CBFA2T2: variants seen among roughly 807,000 people sequenced by gnomAD.
The protein encoded by CBFA2T2 is protein CBFA2T2.
CBFA2T2 carries 11 observed loss-of-function variants against 62.2 expected under a neutral mutation model. That is an observed-to-expected ratio of 0.18 (90% confidence interval 0.11 to 0.29). The LOEUF (loss-of-function observed/expected upper bound fraction) is 0.29, where lower values mean the gene tolerates loss of function less well. Among genes scored for constraint, CBFA2T2 ranks in the 10% least tolerant of loss-of-function variants. The pLI, the probability that CBFA2T2 is intolerant of heterozygous loss-of-function variation, is 1.00. For synonymous variants in CBFA2T2, 295 were observed against 287.5 expected (o/e 1.03, Z -0.27); for missense variants, 592 against 774.1 (o/e 0.76, Z 2.79).
chr20:33,523,247 T>G (rs1044979930), intron 1 of CBFA2T2, among the ~76,000 whole-genome samples: 1 of 152,124 alleles, frequency 6.6e-6, no homozygotes, highest in African/African-American at 2.4e-5. Flanking sequence ...TTGAGACATA[T>G]TGGGATAAAT....
intron 1 of CBFA2T2, among the ~76,000 whole-genome samples, chr20:33,503,876 GA>G (rs1297851874): frequency 6.6e-6 from 1 of 151,102 alleles, no homozygotes; most frequent in Non-Finnish European, 1.5e-5. Flanking sequence ...AGTGGGTAGA[GA>G]AAAAAACTTG....
chr20:33,510,570 A>G (rs962092653), intron 1 of CBFA2T2, among the ~76,000 whole-genome samples: 1 of 152,134 alleles, frequency 6.6e-6, no homozygotes, highest in Admixed American at 6.6e-5. Context: ...AGTCTTTGCT[A>G]TTGTGAATAG....
chr20:33,564,977 C>T (rs539535494), intron 1 of CBFA2T2, among the ~76,000 whole-genome samples: 14 of 151,938 alleles, frequency 9.2e-5, no homozygotes, highest in Non-Finnish European at 1.5e-4. Context: ...TGGAGTGCAG[C>T]GGCGCGATCT....
rs562875426 is a variant in CBFA2T2 at position 33,542,767 on chromosome 20, G to C, written c.34+52466G>C. ...ACTCATTGCAACCTCCTCCTCCCAG[G>C]CTCAAGTGGTCCTCCCACCTCAACC... On this transcript the variant is annotated intron_variant, in intron 1 of 10. Coordinates refer to ENST00000342704, the MANE Select transcript of CBFA2T2 (RefSeq NM_001032999.3). Among the ~76,000 whole-genome samples the C allele has an allele frequency of 1.4e-3, 219 of 151,972 alleles. 1 individual carries two copies. Among genetic ancestry groups the C allele is most frequent in the African/African-American group, 4.9e-3 (202 of 41,416 alleles).
intron 1 of CBFA2T2, among the ~76,000 whole-genome samples, chr20:33,509,396 C>T (rs944656212): frequency 6.6e-6 from 1 of 151,928 alleles, no homozygotes; most frequent in East Asian, 1.9e-4. Context: ...GAACACGACA[C>T]ACTGATTCAG....
At chr20:33,509,222 C>T (rs1600909795) in intron 1 of CBFA2T2, among the ~76,000 whole-genome samples, 1 of 151,746 alleles carries the variant, frequency 6.6e-6, no homozygotes, top group Non-Finnish European at 1.5e-5. Context: ...CAAAAATTAT[C>T]TGGGTGTGGT....
At chr20:33,641,569 T>A (rs1210186950) in intron 10 of CBFA2T2, among the ~76,000 whole-genome samples, 2 of 152,156 alleles carry the variant, frequency 1.3e-5, no homozygotes, top group African/African-American at 4.8e-5. Flanking sequence ...ATCTACTGGA[T>A]GGGAGACCGG....
chr20:33,490,205 G>A lies in CBFA2T2; in HGVS notation c.-63G>A. The A allele has an allele frequency of 1.2e-5, 14 of 1,212,026 alleles. No homozygotes were observed. The highest frequency in any genetic ancestry group is 1.4e-5 in the Non-Finnish European group (14 of 975,236). The allele number at this position is 1,212,026 out of a possible 1,614,324, so 75.1% of individuals were successfully genotyped here. Reference sequence around the variant, plus strand: ...ACCCGGGCCGCGGGTCGAGGCGGGCGGCGCCTGCGAGGGACCCGTGTCGCG... The same window carrying A: ...ACCCGGGCCGCGGGTCGAGGCGGGCAGCGCCTGCGAGGGACCCGTGTCGCG... On this transcript the variant is annotated 5_prime_UTR_variant, in exon 1 of 11. Coordinates refer to ENST00000342704, the MANE Select transcript of CBFA2T2 (RefSeq NM_001032999.3).
chr20:33,564,265 CT>C (rs546526858), intron 1 of CBFA2T2, among the ~76,000 whole-genome samples: 188 of 120,328 alleles, frequency 1.6e-3, no homozygotes, highest in Admixed American at 4.9e-3. Context: ...CTTTTTCTTT[CT>C]TTTTTTTTTT....
chr20:33,504,466 T>C (rs2011365598), intron 1 of CBFA2T2, among the ~76,000 whole-genome samples: 1 of 148,722 alleles, frequency 6.7e-6, no homozygotes, highest in Non-Finnish European at 1.5e-5. Flanking sequence ...TGGAATGCAG[T>C]GGCATGGCTC....
At chr20:33,520,043 G>A (rs564634517) in intron 1 of CBFA2T2, among the ~76,000 whole-genome samples, 1 of 152,242 alleles carries the variant, frequency 6.6e-6, no homozygotes, top group Admixed American at 6.5e-5. Context: ...TACTCGGGAG[G>A]CTGAGGCAGG....
intron 1 of CBFA2T2, among the ~76,000 whole-genome samples, chr20:33,569,012 A>G (rs1385253925): frequency 6.6e-6 from 1 of 152,258 alleles, no homozygotes; most frequent in Non-Finnish European, 1.5e-5. Context: ...TAAGTGGAAT[A>G]GTAAATCTTT....
intron 1 of CBFA2T2, among the ~76,000 whole-genome samples, chr20:33,573,145 G>A (rs1426932008): frequency 6.6e-6 from 1 of 152,174 alleles, no homozygotes; most frequent in East Asian, 1.9e-4. Flanking sequence ...AGGTATTGGA[G>A]TTACATCAAT....
chr20:33,560,298 C>G (rs1485729710), intron 1 of CBFA2T2, among the ~76,000 whole-genome samples: 1 of 152,232 alleles, frequency 6.6e-6, no homozygotes, highest in Non-Finnish European at 1.5e-5. Context: ...AGACAGCCAG[C>G]AGCATCTTTG....
At chr20:33,490,997 T>C (rs561228144) in intron 1 of CBFA2T2, among the ~76,000 whole-genome samples, 1 of 152,290 alleles carries the variant, frequency 6.6e-6, no homozygotes, top group South Asian at 2.1e-4. Context: ...GCTCTAGCCG[T>C]GTTAAGATTT....
At chr20:33,614,257 A>G (rs1163369294) in intron 3 of CBFA2T2, among the ~76,000 whole-genome samples, 1 of 152,164 alleles carries the variant, frequency 6.6e-6, no homozygotes, top group Non-Finnish European at 1.5e-5. Context: ...ACATTATAGA[A>G]TATACCATTT....
intron 1 of CBFA2T2, among the ~76,000 whole-genome samples, chr20:33,499,724 A>G (rs1332804223): frequency 6.6e-6 from 1 of 152,212 alleles, no homozygotes; most frequent in African/African-American, 2.4e-5. Context: ...TATGTACATC[A>G]ATCATCTCAT....
chr20:33,630,229 T>C (rs2016399584), intron 8 of CBFA2T2, among the ~76,000 whole-genome samples: 1 of 152,190 alleles, frequency 6.6e-6, no homozygotes, highest in African/African-American at 2.4e-5. Context: ...ATTACAGGCC[T>C]GAGCCACTGT....
intron 1 of CBFA2T2, among the ~76,000 whole-genome samples, chr20:33,550,307 TGAA>T (rs1279095970): frequency 6.6e-6 from 1 of 152,312 alleles, no homozygotes; most frequent in Non-Finnish European, 1.5e-5. Flanking sequence ...AAAAAATTCT[TGAA>T]GACAGCATAA....
Sources: allele counts gnomAD v4.1 joint callset (sites outside exome capture counted in the v4.1 genomes callset), GRCh38; gene constraint gnomAD v4.1.1; transcripts MANE v1.5; gene names NCBI Gene and HGNC (gene_info 2026-07-23, HGNC 2026-07-21).